Variants in SPATA16 observed in about 807,000 individuals in gnomAD.
SPATA16 encodes the protein spermatogenesis-associated protein 16.
In SPATA16, 36 loss-of-function variants were observed where a neutral mutation model predicts 63.3. That is an observed-to-expected ratio of 0.57 (90% CI 0.44 to 0.75). The LOEUF is 0.75. Ranked by LOEUF, SPATA16 falls within the 30% of genes least tolerant of loss-of-function variation. The pLI is 0.00. For synonymous variants in SPATA16, 203 were observed against 216.7 expected, an observed-to-expected ratio of 0.94 and a Z score of 0.56; for missense variants, 646 against 679.3, an observed-to-expected ratio of 0.95 and a Z score of 0.54.
At chr3:172,902,251 G>A (rs12638055) in intron 10 of SPATA16, among the ~76,000 whole-genome samples, 14,472 of 151,954 alleles carry the variant, frequency 0.095, 768 homozygotes, top group African/African-American at 0.14. Context: ...TATGTTGGCC[G>A]GGCTGGCCTC....
intron 4 of SPATA16, among the ~76,000 whole-genome samples, chr3:173,005,086 G>A (rs930333963): frequency 1.3e-5 from 2 of 152,288 alleles, no homozygotes; most frequent in East Asian, 1.9e-4. Flanking sequence ...ACTCTGGGAG[G>A]CTGAGGCGGG....
chr3:172,922,807 G>A (rs1732642581), intron 8 of SPATA16, among the ~76,000 whole-genome samples: 1 of 151,906 alleles, frequency 6.6e-6, no homozygotes, highest in East Asian at 1.9e-4. Context: ...CTGTAATCCC[G>A]GCTACTCTGG....
intron 6 of SPATA16, among the ~76,000 whole-genome samples, chr3:172,930,507 A>G (rs1297220377): frequency 6.6e-6 from 1 of 151,394 alleles, no homozygotes; most frequent in African/African-American, 2.4e-5. Context: ...TAGCTCATAA[A>G]GGGTTTCCTG....
At chr3:173,036,153 C>T (rs1378160379) in intron 3 of SPATA16, among the ~76,000 whole-genome samples, 1 of 151,872 alleles carries the variant, frequency 6.6e-6, no homozygotes, top group East Asian at 1.9e-4. Flanking sequence ...CTATGGAACA[C>T]TATATTTTAC....
chr3:173,095,157 G>A (rs6762504), intron 2 of SPATA16, among the ~76,000 whole-genome samples: 4,425 of 152,146 alleles, frequency 0.029, 193 homozygotes, highest in African/African-American at 0.1. Flanking sequence ...TTCCTCATTT[G>A]CAAAATGAGG....
intron 6 of SPATA16, among the ~76,000 whole-genome samples, chr3:172,938,264 C>A (rs895719027): frequency 2.6e-5 from 4 of 151,970 alleles, no homozygotes; most frequent in Admixed American, 2.6e-4. Flanking sequence ...AAGGGAGAGG[C>A]GAAGGACTTG....
At chr3:173,140,609 T>A (rs1738686658) in intron 1 of SPATA16, among the ~76,000 whole-genome samples, 1 of 152,190 alleles carries the variant, frequency 6.6e-6, no homozygotes, top group South Asian at 2.1e-4. Flanking sequence ...ACGTTCAATG[T>A]CTTCAATCCA....
At chr3:172,903,718 C>A (rs142829402) in intron 10 of SPATA16, among the ~76,000 whole-genome samples, 7 of 152,266 alleles carry the variant, frequency 4.6e-5, no homozygotes, top group African/African-American at 1.7e-4. Context: ...TCAAAGCAAA[C>A]CTTAACATGA....
At chr3:172,925,215 A>G in intron 7 of SPATA16, 131 bp downstream of exon 7, 1 of 1,000,728 alleles carries the variant, frequency 1.0e-6, no homozygotes, top group South Asian at 1.5e-5. Context: ...TCCTGGAACC[A>G]GAATTCCAGG....
At chr3:172,984,524 C>G (rs1253520618) in intron 4 of SPATA16, among the ~76,000 whole-genome samples, 1 of 152,174 alleles carries the variant, frequency 6.6e-6, no homozygotes. Context: ...TTGGTGGTCA[C>G]TGAAGAAGTT....
chr3:172,989,076 C>T (rs1415882937), intron 4 of SPATA16, among the ~76,000 whole-genome samples: 1 of 152,214 alleles, frequency 6.6e-6, no homozygotes, highest in Non-Finnish European at 1.5e-5. Flanking sequence ...GTCCATATCT[C>T]TGCTCTGGAA....
At chr3:173,005,327 G>GAAAAAAAAA (rs531594936) in intron 4 of SPATA16, among the ~76,000 whole-genome samples, 1 of 78,774 alleles carries the variant, frequency 1.3e-5, no homozygotes, top group African/African-American at 4.5e-5. Flanking sequence ...TGTCTCAAAA[G>GAAAAAAAAA]AAAAAAAAAA....
At chr3:173,055,077 C>G (rs1382834204) in intron 2 of SPATA16, among the ~76,000 whole-genome samples, 1 of 152,100 alleles carries the variant, frequency 6.6e-6, no homozygotes, top group Non-Finnish European at 1.5e-5. Flanking sequence ...ATTGAAACTA[C>G]AATGAGGTAT....
At chr3:172,905,190 A>G (rs1431086982) in intron 10 of SPATA16, among the ~76,000 whole-genome samples, 1 of 152,172 alleles carries the variant, frequency 6.6e-6, no homozygotes, top group African/African-American at 2.4e-5. Context: ...GGAAGCCCAT[A>G]ACCAAAAGCA....
intron 1 of SPATA16, among the ~76,000 whole-genome samples, chr3:173,136,734 A>T (rs1470423421): frequency 6.6e-6 from 1 of 152,154 alleles, no homozygotes; most frequent in African/African-American, 2.4e-5. Context: ...TTAATTGGAA[A>T]ATAGGGTGAC....
At chr3:172,999,285 C>A (rs1029270080) in intron 4 of SPATA16, among the ~76,000 whole-genome samples, 1 of 152,132 alleles carries the variant, frequency 6.6e-6, no homozygotes, top group Non-Finnish European at 1.5e-5. Flanking sequence ...TTATGTCTTT[C>A]AAGGAGTAGA....
intron 4 of SPATA16, among the ~76,000 whole-genome samples, chr3:173,004,443 A>AC (rs1734894820): frequency 6.6e-6 from 1 of 151,556 alleles, no homozygotes; most frequent in African/African-American, 2.4e-5. Context: ...AAAAAAAAAA[A>AC]AAAAACACCA....
Position 172,889,448 on chromosome 3 carries a change from C to T in SPATA16, c.*122G>A. On this transcript the variant is annotated 3_prime_UTR_variant, in exon 11 of 11. Coordinates refer to ENST00000351008, the MANE Select transcript of SPATA16 (RefSeq NM_031955.6). ...GGTAAAGATGAACTGAGGGGAATAC[C>T]ACCTCTTTCTTTTGGTGACAAGCTT... 1 of 1,386,336 alleles carries T rather than the reference C, an allele frequency of 7.2e-7. No homozygotes were observed. The highest frequency in any genetic ancestry group is 1.0e-6 in the Non-Finnish European group (1 of 984,988). 85.9% of individuals were successfully genotyped at this position (1,386,336 alleles called of 1,614,324 possible).
intron 10 of SPATA16, among the ~76,000 whole-genome samples, chr3:172,905,280 G>A (rs12629695): frequency 0.096 from 14,673 of 152,098 alleles, 801 homozygotes; most frequent in African/African-American, 0.14. Context: ...CTGACTGCTG[G>A]AAAGACTGCT....
Sources: allele counts gnomAD v4.1 joint callset (sites outside exome capture counted in the v4.1 genomes callset), GRCh38; gene constraint gnomAD v4.1.1; transcripts MANE v1.5; gene names NCBI Gene and HGNC (gene_info 2026-07-23, HGNC 2026-07-21).